The following FMNL3 variants were observed in gnomAD, a reference collection of about 807,000 sequenced individuals.
FMNL3 encodes formin-like protein 3.
FMNL3 carries 57 observed loss-of-function variants against 119.6 expected under a neutral mutation model. The observed-to-expected ratio is 0.48, with a 90% confidence interval of 0.39 to 0.59. The LOEUF (loss-of-function observed/expected upper bound fraction) is 0.59. Ranked by LOEUF, FMNL3 falls within the 20% of genes least tolerant of loss-of-function variation. The pLI is 0.00. For missense variants in FMNL3, 1,053 were observed against 1,323.5 expected, an observed-to-expected ratio of 0.80 and a Z score of 3.17; for synonymous variants, 491 against 507.3, an observed-to-expected ratio of 0.97 and a Z score of 0.43.
At chr12:49,706,984 A>T in intron 1 of FMNL3, 71 bp downstream of exon 1, 1 of 1,513,128 alleles carries the variant, frequency 6.6e-7, no homozygotes, top group Non-Finnish European at 8.9e-7. Flanking sequence ...GGGGCCCAGC[A>T]CAAAGTCCCA....
rs144938288 is a variant in FMNL3, at chr12:49,698,884, C to T, written c.126+8171G>A. Among the ~76,000 whole-genome samples the T allele has an allele frequency of 2.2e-4, 34 of 152,318 alleles. No homozygotes were observed. In the East Asian group the frequency reaches 6.6e-3, roughly 29 times the overall value. On this transcript the variant is annotated intron_variant, in intron 1 of 25. Transcript: ENST00000335154. Reference sequence around the variant, plus strand: ...CAGTTCTATTCTGGAATCCACTTCACTTCTCTATGAATGACAATCTTAAAT... The same window carrying T: ...CAGTTCTATTCTGGAATCCACTTCATTTCTCTATGAATGACAATCTTAAAT...
At chr12:49,701,520 G>T (rs1392263834) in intron 1 of FMNL3, among the ~76,000 whole-genome samples, 1 of 152,172 alleles carries the variant, frequency 6.6e-6, no homozygotes, top group Non-Finnish European at 1.5e-5. Flanking sequence ...GTTCATCACA[G>T]CATTGTTTAT....
At chr12:49,661,925 C>A (rs765628761) in intron 5 of FMNL3, 41 bp downstream of exon 5, 7 of 1,566,154 alleles carry the variant, frequency 4.5e-6, no homozygotes, top group Non-Finnish European at 6.2e-6. Context: ...CTATGTCCTC[C>A]CCCAACTGGT....
At chr12:49,698,834 A>G (rs1944824639) in intron 1 of FMNL3, among the ~76,000 whole-genome samples, 1 of 152,234 alleles carries the variant, frequency 6.6e-6, no homozygotes, top group Non-Finnish European at 1.5e-5. Flanking sequence ...TGGAAATGGA[A>G]TGCAGGAATT....
chr12:49,671,291 A>T (rs1298720268), intron 1 of FMNL3, among the ~76,000 whole-genome samples: 3 of 152,236 alleles, frequency 2.0e-5, no homozygotes, highest in Non-Finnish European at 2.9e-5. Context: ...CAAACTCTAG[A>T]TCCCCAGGAA....
At chr12:49,650,537 TA>T (rs2138730502) in intron 17 of FMNL3, 138 bp downstream of exon 17, 1 of 960,368 alleles carries the variant, frequency 1.0e-6, no homozygotes, top group African/African-American at 1.6e-5. Context: ...CAGTAAATTC[TA>T]GCCAAGCCAG....
chr12:49,682,868 C>T (rs540859905), intron 1 of FMNL3, among the ~76,000 whole-genome samples: 3 of 152,208 alleles, frequency 2.0e-5, no homozygotes, highest in South Asian at 2.1e-4. Context: ...GAAATGAAGT[C>T]GACTCACTAA....
chr12:49,705,481 TC>T (rs993631924), intron 1 of FMNL3, among the ~76,000 whole-genome samples: 2 of 152,046 alleles, frequency 1.3e-5, no homozygotes, highest in African/African-American at 4.8e-5. Flanking sequence ...TCCCACCCAA[TC>T]CACCTCACCC....
intron 5 of FMNL3, 183 bp downstream of exon 5, chr12:49,661,783 C>T: frequency 3.3e-6 from 2 of 612,564 alleles, no homozygotes; most frequent in Non-Finnish European, 5.9e-6. Context: ...CCATTCTTCA[C>T]TGATCCCCAG....
At chr12:49,675,541 T>C (rs1336161725) in intron 1 of FMNL3, among the ~76,000 whole-genome samples, 1 of 152,186 alleles carries the variant, frequency 6.6e-6, no homozygotes, top group Admixed American at 6.5e-5. Flanking sequence ...CACAACTCCC[T>C]TTCTCCTCAT....
At chr12:49,648,067 C>G in intron 22 of FMNL3, 126 bp downstream of exon 22, 1 of 1,247,048 alleles carries the variant, frequency 8.0e-7, no homozygotes, top group Non-Finnish European at 1.1e-6. Context: ...CCAAAGCGCT[C>G]TCTCTCCCCT....
At position 49,645,463 on chromosome 12, in the gene FMNL3, G is replaced by C. The variant is rs150953266; in HGVS notation, c.*352C>G. 9.2e-6 allele frequency: 2 copies of C among 218,332 alleles called. No individual in the cohort carries two copies. The highest frequency in any genetic ancestry group is 1.8e-5 in the Non-Finnish European group (2 of 111,226). 13.5% of individuals were successfully genotyped at this position (218,332 alleles called of 1,614,324 possible). On this transcript the variant is annotated 3_prime_UTR_variant, in exon 26 of 26. Transcript: ENST00000335154. ...CTGCAAAAAGGAAGGGAAAAAAAAAGAAAGAACAGTTGCTCTCTCCTCTCA... is the reference window on the plus strand; with the variant it reads ...CTGCAAAAAGGAAGGGAAAAAAAAACAAAGAACAGTTGCTCTCTCCTCTCA...
At chr12:49,705,665 A>G (rs1485123641) in intron 1 of FMNL3, among the ~76,000 whole-genome samples, 1 of 152,156 alleles carries the variant, frequency 6.6e-6, no homozygotes, top group African/African-American at 2.4e-5. Flanking sequence ...GTCACAGCAC[A>G]TTGGTAATCA....
In FMNL3 at chr12:49,640,788, A is replaced by C. The variant is rs1228657947; in HGVS notation, c.*5027T>G. 6.6e-6 allele frequency: 1 copy of C among 152,250 alleles called. No homozygotes were observed. Among genetic ancestry groups the C allele is most frequent in the Admixed American group, 6.5e-5 (1 of 15,286 alleles). 9.4% of individuals were successfully genotyped at this position (152,250 alleles called of 1,614,324 possible). ...TTTCAAGAGGTTTTGAAACAATGGA[A>C]AAGAGCAGAGGTAGTTAGCTTGATG... On this transcript the variant is annotated 3_prime_UTR_variant, in exon 26 of 26. Coordinates refer to ENST00000335154, the MANE Select transcript of FMNL3 (RefSeq NM_175736.5).
intron 1 of FMNL3, among the ~76,000 whole-genome samples, chr12:49,678,419 G>A (rs1294750750): frequency 6.6e-6 from 1 of 152,082 alleles, no homozygotes; most frequent in Non-Finnish European, 1.5e-5. Context: ...GCCTCCCAAA[G>A]TGCTGGGATT....
intron 1 of FMNL3, among the ~76,000 whole-genome samples, chr12:49,679,957 C>T (rs1050550677): frequency 1.3e-5 from 2 of 152,218 alleles, no homozygotes; most frequent in African/African-American, 4.8e-5. Context: ...ATGCTAGACC[C>T]TTCAATTGCA....
rs761126817 is a variant in FMNL3 at position 49,656,473 on chromosome 12, A to C, written c.816T>G (p.Leu272=). Residue 272 remains leucine (L), a synonymous_variant, in exon 9 of 26, where the codon CTT becomes CTG. Transcript: ENST00000335154. ...CTCGCACCAAACACACAGCTGCCAGAAGCTCTAAGACAAGGGCTTTGGTCC... is the reference window on the plus strand; with the variant it reads ...CTCGCACCAAACACACAGCTGCCAGCAGCTCTAAGACAAGGGCTTTGGTCC... The part of the protein sequence containing the change: ...NPRTKALVLE[L]LAAVCLVRGG... 5.0e-6 allele frequency: 8 copies of C among 1,614,022 alleles called. No individual in the cohort carries two copies. Among genetic ancestry groups the C allele is most frequent in the Non-Finnish European group, 5.9e-6 (7 of 1,180,000 alleles).
At chr12:49,650,914 C>T (rs1272546729) in intron 16 of FMNL3, 36 bp from the exon 17 acceptor site, 2 of 1,610,530 alleles carry the variant, frequency 1.2e-6, no homozygotes, top group African/African-American at 2.7e-5. Context: ...AACGCTGTAG[C>T]CTCATACTAG....
intron 1 of FMNL3, among the ~76,000 whole-genome samples, chr12:49,676,825 A>C (rs1167530982): frequency 1.3e-5 from 2 of 152,142 alleles, no homozygotes; most frequent in African/African-American, 4.8e-5. Flanking sequence ...CTTTCCCCTC[A>C]GCAAACTCCT....
Sources: gnomAD v4.1 joint callset for allele counts (sites outside exome capture counted in the v4.1 genomes callset) on GRCh38, gnomAD v4.1.1 for gene constraint, MANE v1.5 for transcripts, NCBI Gene and HGNC (gene_info 2026-07-23, HGNC 2026-07-21) for gene names.